The following C19orf47 variants were observed in gnomAD, a reference collection of about 807,000 sequenced individuals.
C19orf47 encodes chromosome 19 open reading frame 47, also known as uncharacterized protein C19orf47.
A neutral mutation model predicts 32.3 loss-of-function variants in C19orf47; 18 were observed. The ratio of observed to expected loss-of-function variants is 0.56; its 90% CI spans 0.39 to 0.83. The LOEUF (loss-of-function observed/expected upper bound fraction) is 0.83, where lower values mean the gene tolerates loss of function less well. Ranked by LOEUF, C19orf47 falls within the 40% of genes least tolerant of loss-of-function variation. C19orf47 has a pLI of 0.00. For missense variants in C19orf47, 484 were observed against 531.6 expected (o/e 0.91, Z 0.88); for synonymous variants, 202 against 211.1 (o/e 0.96, Z 0.37).
chr19:40,337,752 A>T (rs1205345314), intron 2 of C19orf47, among the ~76,000 whole-genome samples: 3 of 152,156 alleles, frequency 2.0e-5, no homozygotes, highest in Non-Finnish European at 2.9e-5. Context: ...ATCTCCAAGA[A>T]GGCCCCTGCC....
the C19orf47 span, among the ~76,000 whole-genome samples, chr19:40,297,012 C>T: frequency 3.9e-5 from 6 of 152,228 alleles, no homozygotes; most frequent in Admixed American, 3.9e-4. Flanking sequence ...CATTAAACAT[C>T]ATTATGCAGG....
the C19orf47 span, among the ~76,000 whole-genome samples, chr19:40,295,425 G>A: frequency 4.0e-5 from 6 of 150,896 alleles, no homozygotes; most frequent in Admixed American, 2.0e-4. Context: ...TTAAAAAGCA[G>A]AAATCAGATT....
In C19orf47 at chr19:40,321,282, G is replaced by A. The variant is rs1283600695; in HGVS notation, c.*600C>T. ...CAGTCTCAACAGGCTCGACGCCACCGCCGACGAGGGGGCCGCTGGGAGGCC... is the reference window on the plus strand; with the variant it reads ...CAGTCTCAACAGGCTCGACGCCACCACCGACGAGGGGGCCGCTGGGAGGCC... On this transcript the variant is annotated 3_prime_UTR_variant, in exon 9 of 9. Coordinates refer to ENST00000683109, the MANE Select transcript of C19orf47 (RefSeq NM_001256441.2). The A allele has an allele frequency of 3.0e-5, 30 of 986,470 alleles. No individual in the cohort carries two copies. The East Asian group carries it at 5.7e-4, about 19-fold the overall frequency. The allele number at this position is 986,470 out of a possible 1,614,324, so 61.1% of individuals were successfully genotyped here.
chr19:40,346,367 C>T (rs1193283106), intron 1 of C19orf47, among the ~76,000 whole-genome samples: 1 of 147,854 alleles, frequency 6.8e-6, no homozygotes, highest in African/African-American at 2.5e-5. Flanking sequence ...TGCTTAAGCC[C>T]GGGAGGCAGA....
rs1203883170 is a variant in C19orf47 at position 40,322,191 on chromosome 19, T to C, written c.849A>G (p.Ser283=). Residue 283 remains serine, a synonymous_variant, in exon 9 of 9, where the codon TCA becomes TCG. Transcript: ENST00000683109. ...ALTVKAKATS[S]ATTAAAPTLR... ...GTGTCGGGGCAGCAGCCGTTGTCGC[T>C]GAGCTTGTGGCCTTGGCTTTGACAG... 4 of 1,611,782 alleles carry C rather than the reference T, an allele frequency of 2.5e-6. No individual in the cohort carries two copies. In the Admixed American group the frequency reaches 5.0e-5, roughly 20 times the overall value.
intron 6 of C19orf47, among the ~76,000 whole-genome samples, chr19:40,326,926 C>T (rs922781588): frequency 6.6e-6 from 1 of 152,140 alleles, no homozygotes; most frequent in Non-Finnish European, 1.5e-5. Flanking sequence ...AAAATGAATC[C>T]CCTCAAACGT....
At chr19:40,334,389 C>T (rs942938906) in intron 4 of C19orf47, among the ~76,000 whole-genome samples, 1 of 152,096 alleles carries the variant, frequency 6.6e-6, no homozygotes, top group African/African-American at 2.4e-5. Flanking sequence ...TTTGAGGCTG[C>T]AGTAAGCTGT....
Position 40,322,219 on chromosome 19 carries a change from A to G in C19orf47, c.821T>C (p.Leu274Pro). The part of the protein sequence containing the change: ...GPAKASPQPA[L>P]TVKAKATSSA... ...GCTTGTGGCCTTGGCTTTGACAGTCAGTGCTGGCTGGGGACTGGCCTTGGC... is the reference window on the plus strand; with the variant it reads ...GCTTGTGGCCTTGGCTTTGACAGTCGGTGCTGGCTGGGGACTGGCCTTGGC... Residue 274 changes from leucine (L) to proline (P), a missense_variant, in exon 9 of 9, where the codon CTG becomes CCG. Around this residue, in one of 3 missense-constraint regions of C19orf47, gnomAD observed 376 missense variants for 370.2 expected, o/e 1.02. Coordinates refer to ENST00000683109, the MANE Select transcript of C19orf47 (RefSeq NM_001256441.2). 6.2e-7 allele frequency: 1 copy of G among 1,610,296 alleles called. No individual in the cohort carries two copies. Among genetic ancestry groups the G allele is most frequent in the Non-Finnish European group, 8.5e-7 (1 of 1,179,946 alleles).
At position 40,328,473 on chromosome 19, in the gene C19orf47, T is replaced by C. The variant is rs2077880657; in HGVS notation, c.379A>G (p.Thr127Ala). 3 of 1,611,764 alleles carry C rather than the reference T, an allele frequency of 1.9e-6. No individual in the cohort carries two copies. The African/African-American group carries it at 4.0e-5, about 22-fold the overall frequency. ...GACACAGTGACCGAGATCTTGGAGG[T>C]GCTGGTGTCCGGGCGCCTGGGGGGT... ...STPPRRPDTS[T>A]SKISVTVSNK... is the part of the protein sequence containing the mutation. The change falls in exon 6 of 9, where the codon ACC (threonine) becomes GCC (alanine). Residue 127 changes from threonine to alanine, a missense_variant. Thr to Ala is a moderately conservative substitution (Grantham distance 58, BLOSUM62 0). Around this residue, in one of 3 missense-constraint regions of C19orf47, gnomAD observed 376 missense variants for 370.2 expected, o/e 1.02. Coordinates refer to ENST00000683109, the MANE Select transcript of C19orf47 (RefSeq NM_001256441.2).
chr19:40,322,399 G>T, intron 8 of C19orf47, 23 bp from the exon 9 acceptor site: 1 of 1,542,718 alleles, frequency 6.5e-7, no homozygotes, highest in Non-Finnish European at 8.7e-7. Context: ...GAGACAGGAT[G>T]AATGAGTCAC....
At chr19:40,344,895 C>T (rs1352357311) in intron 1 of C19orf47, among the ~76,000 whole-genome samples, 1 of 152,148 alleles carries the variant, frequency 6.6e-6, no homozygotes, top group African/African-American at 2.4e-5. Context: ...CAAGATCACA[C>T]AGCAAAAGGC....
intron 5 of C19orf47, among the ~76,000 whole-genome samples, chr19:40,331,030 G>C (rs1259598264): frequency 6.6e-6 from 1 of 152,092 alleles, no homozygotes; most frequent in African/African-American, 2.4e-5. Flanking sequence ...TAATATTATG[G>C]GTGAATGCTT....
chr19:40,296,052 T>C, the C19orf47 span, among the ~76,000 whole-genome samples: 1 of 152,176 alleles, frequency 6.6e-6, no homozygotes, highest in Non-Finnish European at 1.5e-5. Flanking sequence ...GGCCCACTCA[T>C]GTAAATTAAA....
chr19:40,296,072 G>A, the C19orf47 span, among the ~76,000 whole-genome samples: 252 of 152,174 alleles, frequency 1.7e-3, no homozygotes, highest in Non-Finnish European at 2.9e-3. Flanking sequence ...ATACAGTCAC[G>A]TGTCACTTAA....
the C19orf47 span, among the ~76,000 whole-genome samples, chr19:40,295,296 A>G: frequency 6.6e-6 from 1 of 152,162 alleles, no homozygotes; most frequent in African/African-American, 2.4e-5. Context: ...CTGGGATGAC[A>G]GGCGTGAGCC....
chr19:40,298,596 G>T, the C19orf47 span, among the ~76,000 whole-genome samples: 1 of 152,132 alleles, frequency 6.6e-6, no homozygotes, highest in Non-Finnish European at 1.5e-5. Context: ...TAGAAATTAT[G>T]TGTCTTCACA....
At chr19:40,330,716 G>T (rs1460631937) in intron 5 of C19orf47, among the ~76,000 whole-genome samples, 1 of 151,538 alleles carries the variant, frequency 6.6e-6, no homozygotes, top group Non-Finnish European at 1.5e-5. Flanking sequence ...TAGAGACAGG[G>T]TCTCACTATG....
At chr19:40,309,701 GA>G in the C19orf47 span, among the ~76,000 whole-genome samples, 2 of 147,314 alleles carry the variant, frequency 1.4e-5, no homozygotes, top group East Asian at 3.9e-4. Flanking sequence ...AAAAAAAAAA[GA>G]ATATGCAACA....
In C19orf47 at chr19:40,328,423, G is replaced by C. The variant is rs1234285561; in HGVS notation, c.429C>G (p.Ala143=). Residue 143 remains alanine (A), a synonymous_variant, in exon 6 of 9, where the codon GCC becomes GCG. Coordinates refer to ENST00000683109, the MANE Select transcript of C19orf47 (RefSeq NM_001256441.2). The stretch of plus-strand genomic sequence containing the variant: ...CCCATGTTCCCTCACCAGTGGCCTT[G>C]GCACTCTTTGCTGCCATCTTGTTGG... The part of the protein sequence containing the change: ...TVSNKMAAKS[A]KATAALARRE... 2 of 1,612,878 alleles carry C rather than the reference G, an allele frequency of 1.2e-6. No individual in the cohort carries two copies. Among genetic ancestry groups the C allele is most frequent in the African/African-American group, 2.7e-5 (2 of 74,974 alleles).
Sources: gnomAD v4.1 joint callset for allele counts (sites outside exome capture counted in the v4.1 genomes callset) on GRCh38, gnomAD v4.1.1 for gene constraint, gnomAD v4.1.1 regional missense constraint, MANE v1.5 for transcripts, NCBI Gene and HGNC (gene_info 2026-07-23, HGNC 2026-07-21) for gene names.